Variants in LSS observed in about 807,000 individuals in gnomAD.
The protein encoded by LSS is lanosterol synthase.
In LSS, 90 loss-of-function variants were observed where a neutral mutation model predicts 110.3. The ratio of observed to expected loss-of-function variants is 0.82; its 90% CI spans 0.69 to 0.97. The LOEUF (loss-of-function observed/expected upper bound fraction) is 0.97. Among genes scored for constraint, LSS ranks in the 50% least tolerant of loss-of-function variants. The probability of loss-of-function intolerance (pLI) is 0.00; values close to 1 mark genes in which losing one functional copy is unlikely to be tolerated. For synonymous variants in LSS, 433 were observed against 400.0 expected, an observed-to-expected ratio of 1.08 and a Z score of -0.98; for missense variants, 927 against 990.0, an observed-to-expected ratio of 0.94 and a Z score of 0.85.
rs1274054562 is a variant in LSS at position 46,208,278 on chromosome 21, G to C, written c.1290C>G (p.Tyr430Ter). Reference sequence around the variant, plus strand: ...TGCGCATCTGGCGGTAGTACTTCTGGTAGTCGGGAGGGTTATCTGGGACCT... The same window carrying C: ...TGCGCATCTGGCGGTAGTACTTCTGCTAGTCGGGAGGGTTATCTGGGACCT... The part of the protein sequence containing the change: ...LSQVPDNPPD[Y>*]QKYYRQMRKG... Residue 430 changes from tyrosine (Y) to a stop codon, truncating the protein, a stop_gained, in exon 14 of 22, where the codon TAC becomes TAG. Transcript: ENST00000397728. LOFTEE classifies it high-confidence loss of function. 4 of 1,552,744 alleles carry C rather than the reference G, an allele frequency of 2.6e-6. No individual in the cohort carries two copies. The highest frequency in any genetic ancestry group is 3.5e-6 in the Non-Finnish European group (4 of 1,147,606).
intron 16 of LSS, among the ~76,000 whole-genome samples, 187 bp downstream of exon 16, chr21:46,206,485 A>T (rs1253505334): frequency 1.3e-5 from 2 of 152,150 alleles, no homozygotes; most frequent in African/African-American, 2.4e-5. Context: ...CAACACAAGG[A>T]TCCTGCCACC....
Position 46,219,521 on chromosome 21 carries a change from T to C in LSS, c.602A>G (p.Asn201Ser). The C allele has an allele frequency of 4.4e-6, 7 of 1,603,376 alleles. No homozygotes were observed. Among genetic ancestry groups the C allele is most frequent in the Non-Finnish European group, 6.0e-6 (7 of 1,174,934 alleles). ...SWGKFWLAVL[N>S]VYSWEGLNTL... ...ATTGAGGCCTTCCCAGCTGTAAACA[T>C]TCAGGACAGCCAGCCAGAACTTCCC... Residue 201 changes from asparagine to serine, a missense_variant, in exon 6 of 22, where the codon AAT (asparagine) becomes AGT (serine). Coordinates refer to ENST00000397728, the MANE Select transcript of LSS (RefSeq NM_002340.6).
At chr21:46,206,087 C>T (rs898028353) in intron 16 of LSS, 146 bp from the exon 17 acceptor site, 7 of 623,934 alleles carry the variant, frequency 1.1e-5, no homozygotes, top group African/African-American at 9.2e-5. Context: ...GAGCAAACGC[C>T]GGCTGGTCCA....
At chr21:46,215,622 T>C in intron 8 of LSS, 63 bp downstream of exon 8, 1 of 1,179,804 alleles carries the variant, frequency 8.5e-7, no homozygotes, top group South Asian at 1.4e-5. Context: ...AGTGCGTGAA[T>C]GAGTGGGCGA....
In LSS at chr21:46,221,844, C is replaced by A; in HGVS notation, c.550+10G>T. The A allele has an allele frequency of 1.2e-6, 2 of 1,614,020 alleles. No homozygotes were observed. Among genetic ancestry groups the A allele is most frequent in the Non-Finnish European group, 1.7e-6 (2 of 1,180,020 alleles). ...AACCCCTGGCCCAGCACATGCTGCA[C>A]ATGCCGTACCTTTCTTGTGAAGAAT... On this transcript the variant is annotated intron_variant, in intron 5 of 21. Coordinates refer to ENST00000397728, the MANE Select transcript of LSS (RefSeq NM_002340.6).
At chr21:46,208,131 C>CA in intron 14 of LSS, 120 bp downstream of exon 14, 1 of 914,872 alleles carries the variant, frequency 1.1e-6, no homozygotes, top group South Asian at 1.5e-5. Flanking sequence ...GCAGGACACC[C>CA]AAAAACGCCA....
At chr21:46,226,383 C>A (rs1043374550) in intron 3 of LSS, among the ~76,000 whole-genome samples, 1 of 152,216 alleles carries the variant, frequency 6.6e-6, no homozygotes, top group South Asian at 2.1e-4. Context: ...TGCCTTACCA[C>A]GAGCCCTGAG....
intron 17 of LSS, among the ~76,000 whole-genome samples, chr21:46,196,541 T>C (rs2079912464): frequency 6.6e-6 from 1 of 152,136 alleles, no homozygotes; most frequent in South Asian, 2.1e-4. Flanking sequence ...AGGAGCAGCA[T>C]CCCTGAGATC....
intron 17 of LSS, among the ~76,000 whole-genome samples, chr21:46,197,039 G>A (rs1211679370): frequency 2.6e-5 from 4 of 152,264 alleles, no homozygotes. Flanking sequence ...GAGAGACCCT[G>A]AGGCAGAGGA....
At chr21:46,200,360 T>C (rs1569021290) in intron 17 of LSS, among the ~76,000 whole-genome samples, 2 of 152,014 alleles carry the variant, frequency 1.3e-5, no homozygotes, top group Non-Finnish European at 2.9e-5. Flanking sequence ...AAATAGGACG[T>C]TTACATAGTC....
intron 9 of LSS, among the ~76,000 whole-genome samples, 159 bp downstream of exon 9, chr21:46,215,021 A>C (rs539043127): frequency 6.6e-6 from 1 of 152,128 alleles, no homozygotes; most frequent in African/African-American, 2.4e-5. Context: ...CCAGGACAGA[A>C]GCCCTCAGAC....
At chr21:46,214,312 G>C (rs2080171734) in intron 9 of LSS, among the ~76,000 whole-genome samples, 2 of 152,234 alleles carry the variant, frequency 1.3e-5, no homozygotes, top group Non-Finnish European at 1.5e-5. Context: ...CACAAGTCAA[G>C]ATCCAATTGC....
intron 17 of LSS, among the ~76,000 whole-genome samples, chr21:46,204,763 T>A (rs951938692): frequency 6.6e-6 from 1 of 152,216 alleles, no homozygotes; most frequent in African/African-American, 2.4e-5. Context: ...GAATATTACA[T>A]AAATTCTTCC....
chr21:46,208,458 C>T (rs774551025), intron 13 of LSS, among the ~76,000 whole-genome samples, 157 bp from the exon 14 acceptor site: 3 of 152,188 alleles, frequency 2.0e-5, no homozygotes, highest in Non-Finnish European at 4.4e-5. Context: ...TGCTGCGAGG[C>T]GCGCGAGGGC....
Position 46,190,327 on chromosome 21 carries a change from T to C in LSS, c.*777A>G, listed in dbSNP as rs1487609471. On this transcript the variant is annotated 3_prime_UTR_variant, in exon 22 of 22. Transcript: ENST00000397728. The surrounding 1 kb of genome is among the most constrained non-coding windows in gnomAD (Gnocchi z 4.6). ...CCCTGTAGACACCTCACAAACAGCA[T>C]TCCACGCAGGTGGGTTCATGTCCCA... 1 of 158,550 alleles carries C rather than the reference T, an allele frequency of 6.3e-6. No individual in the cohort carries two copies. Among genetic ancestry groups the C allele is most frequent in the Non-Finnish European group, 1.4e-5 (1 of 72,360 alleles). 9.8% of individuals were successfully genotyped at this position (158,550 alleles called of 1,614,324 possible).
In LSS at chr21:46,209,551, C is replaced by A; in HGVS notation, c.1266+3G>T. On this transcript the variant is annotated splice_donor_region_variant and intron_variant, in intron 13 of 21. Coordinates refer to ENST00000397728, the MANE Select transcript of LSS (RefSeq NM_002340.6). The surrounding 1 kb of genome is among the most constrained non-coding windows in gnomAD (Gnocchi z 4.4). The stretch of plus-strand genomic sequence containing the variant: ...CCCTCAGAGCCCCAGGCACCGGCCT[C>A]ACCTGTGAGAGCCTCAGGAACTCAT... The A allele has an allele frequency of 6.2e-7, 1 of 1,604,040 alleles. No homozygotes were observed.
chr21:46,210,141 G>A (rs1303721666), intron 12 of LSS, among the ~76,000 whole-genome samples: 3 of 139,342 alleles, frequency 2.2e-5, no homozygotes, highest in Non-Finnish European at 3.0e-5. Flanking sequence ...ATCTCGGCTC[G>A]CTGCACCCTC....
At chr21:46,228,397 G>C in intron 2 of LSS, 37 bp downstream of exon 2, 1 of 1,596,234 alleles carries the variant, frequency 6.3e-7, no homozygotes, top group Non-Finnish European at 8.5e-7. Flanking sequence ...ACCCCTCAGG[G>C]TCCCGAGCTC....
intron 3 of LSS, chr21:46,225,501 T>C (rs953100747): frequency 1.9e-5 from 8 of 422,810 alleles, no homozygotes; most frequent in Admixed American, 1.6e-4. Context: ...CCTCCACCTC[T>C]TGTGGACGGC....
Sources: gnomAD v4.1 joint callset for allele counts (sites outside exome capture counted in the v4.1 genomes callset) on GRCh38, gnomAD v4.1.1 for gene constraint, Gnocchi (gnomAD v3.1) non-coding constraint, MANE v1.5 for transcripts, NCBI Gene and HGNC (gene_info 2026-07-23, HGNC 2026-07-21) for gene names.